Variants in HMGB1 observed in about 807,000 individuals in gnomAD.
The protein encoded by HMGB1 is high mobility group protein B1.
For synonymous variants in HMGB1, 81 were observed against 84.0 expected, an observed-to-expected ratio of 0.96 and a Z score of 0.19; for missense variants, 79 against 253.5, an observed-to-expected ratio of 0.31 and a Z score of 4.67.
At chr13:30,602,346 G>C (rs909865185) in intron 1 of HMGB1, among the ~76,000 whole-genome samples, 4 of 152,148 alleles carry the variant, frequency 2.6e-5, no homozygotes, top group Non-Finnish European at 5.9e-5. Context: ...AACAGAACCA[G>C]GTGAGACCAG....
intron 1 of HMGB1, chr13:30,554,476 C>T (rs1869586702): frequency 2.9e-6 from 3 of 1,025,412 alleles, no homozygotes; most frequent in African/African-American, 1.6e-5. Context: ...GATTCTCATA[C>T]ATGGCTATAA....
chr13:30,519,701 TAAA>T (rs11313834), intron 1 of HMGB1, among the ~76,000 whole-genome samples: 1 of 148,372 alleles, frequency 6.7e-6, no homozygotes, highest in African/African-American at 2.5e-5. Context: ...CTCCATCAAT[TAAA>T]AAAAAAAAAA....
intron 1 of HMGB1, among the ~76,000 whole-genome samples, chr13:30,476,426 A>G (rs1394947344): frequency 6.6e-6 from 1 of 152,076 alleles, no homozygotes; most frequent in Admixed American, 6.6e-5. Context: ...GGCCTGAGCC[A>G]TCGCGCCCAG....
intron 1 of HMGB1, among the ~76,000 whole-genome samples, chr13:30,571,232 A>G (rs953819957): frequency 6.6e-6 from 1 of 152,002 alleles, no homozygotes. Context: ...AGAAAGTTTG[A>G]CAACTTAAAA....
intron 1 of HMGB1, among the ~76,000 whole-genome samples, chr13:30,571,574 G>A (rs1028633308): frequency 7.9e-5 from 12 of 152,262 alleles, no homozygotes; most frequent in East Asian, 1.9e-4. Context: ...GATTACAGGC[G>A]TGAGCCACCG....
chr13:30,607,550 CT>C (rs1950472530), intron 1 of HMGB1, among the ~76,000 whole-genome samples: 1 of 151,468 alleles, frequency 6.6e-6, no homozygotes, highest in Non-Finnish European at 1.5e-5. Context: ...AATTAAACCT[CT>C]TTTCTTTGTA....
chr13:30,608,684 G>C (rs2137572229), intron 1 of HMGB1, among the ~76,000 whole-genome samples: 1 of 152,334 alleles, frequency 6.6e-6, no homozygotes, highest in South Asian at 2.1e-4. Flanking sequence ...AGTGGGACAA[G>C]CTCTATTCTT....
At chr13:30,522,610 C>T (rs1888265296) in intron 1 of HMGB1, among the ~76,000 whole-genome samples, 1 of 152,116 alleles carries the variant, frequency 6.6e-6, no homozygotes, top group South Asian at 2.1e-4. Context: ...TGGCTACTGG[C>T]ATCTGCAAGA....
intron 1 of HMGB1, among the ~76,000 whole-genome samples, chr13:30,537,687 A>ATATATC (rs1868516801): frequency 8.4e-6 from 1 of 118,890 alleles, no homozygotes; most frequent in African/African-American, 3.4e-5. Context: ...ATATATATAT[A>ATATATC]TATATATATA....
intron 1 of HMGB1, among the ~76,000 whole-genome samples, chr13:30,483,212 A>AT (rs1238115602): frequency 6.6e-6 from 1 of 151,652 alleles, no homozygotes; most frequent in African/African-American, 2.4e-5. Context: ...CAAACACAAG[A>AT]CCCCACTCCA....
At chr13:30,465,741 G>A in intron 1 of HMGB1, 55 bp downstream of exon 1, 1 of 952,870 alleles carries the variant, frequency 1.0e-6, no homozygotes, top group South Asian at 4.8e-5. Flanking sequence ...GCCGCCGCGC[G>A]GGCTGGGGAG....
intron 1 of HMGB1, among the ~76,000 whole-genome samples, chr13:30,609,647 A>G (rs550032965): frequency 2.6e-5 from 4 of 152,198 alleles, no homozygotes; most frequent in Admixed American, 6.5e-5. Context: ...GGTTACATGG[A>G]TAAGTTCTTT....
chr13:30,503,557 T>A (rs1887783967), intron 1 of HMGB1, among the ~76,000 whole-genome samples: 1 of 152,060 alleles, frequency 6.6e-6, no homozygotes, highest in Non-Finnish European at 1.5e-5. Context: ...GTAACATTTC[T>A]GTTGCCAGCC....
intron 1 of HMGB1, among the ~76,000 whole-genome samples, chr13:30,476,363 T>G (rs1887098274): frequency 6.6e-6 from 1 of 151,748 alleles, no homozygotes. Context: ...GGTCTCGAAC[T>G]CCTGACCTCA....
At chr13:30,478,200 G>GGT (rs1355662233) in intron 1 of HMGB1, among the ~76,000 whole-genome samples, 1 of 152,192 alleles carries the variant, frequency 6.6e-6, no homozygotes, top group Admixed American at 6.5e-5. Context: ...GGCCAGGCAT[G>GGT]GTGGCTCACT....
chr13:30,485,451 C>G (rs1203559473), intron 1 of HMGB1, among the ~76,000 whole-genome samples: 2 of 152,224 alleles, frequency 1.3e-5, no homozygotes, highest in African/African-American at 2.4e-5. Context: ...CATGCCGCAG[C>G]CATCACAAAG....
chr13:30,465,709 G>A, intron 1 of HMGB1, 87 bp downstream of exon 1: 1 of 691,340 alleles, frequency 1.4e-6, no homozygotes, highest in African/African-American at 2.0e-5. Flanking sequence ...CTGACCCGCC[G>A]GCTCCCGGCC....
chr13:30,530,091 A>G (rs1888460988), intron 1 of HMGB1, among the ~76,000 whole-genome samples: 1 of 152,224 alleles, frequency 6.6e-6, no homozygotes, highest in Non-Finnish European at 1.5e-5. Context: ...AAGCAATAAT[A>G]AGACAATAAT....
intron 1 of HMGB1, among the ~76,000 whole-genome samples, chr13:30,557,585 A>G (rs1025580852): frequency 1.3e-4 from 20 of 152,218 alleles, no homozygotes; most frequent in African/African-American, 4.3e-4. Flanking sequence ...CCTTGTAGAT[A>G]AAAGGGCTTT....
Sources: gnomAD v4.1 joint callset for allele counts (sites outside exome capture counted in the v4.1 genomes callset) on GRCh38, gnomAD v4.1.1 for gene constraint, MANE v1.5 for transcripts, NCBI Gene and HGNC (gene_info 2026-07-23, HGNC 2026-07-21) for gene names.